DNAAF5: variants seen among roughly 807,000 people sequenced by gnomAD.
The protein encoded by DNAAF5 is HEAT repeat containing 2.
In DNAAF5, 64 loss-of-function variants were observed where a neutral mutation model predicts 75.8. The observed-to-expected ratio is 0.84, with a 90% CI of 0.69 to 1.04. DNAAF5 has a LOEUF of 1.04. Ranked by LOEUF, DNAAF5 falls within the 50% of genes least tolerant of loss-of-function variation. The probability of loss-of-function intolerance (pLI) is 0.00; values close to 1 mark genes in which losing one functional copy is unlikely to be tolerated. For synonymous variants in DNAAF5, 657 were observed against 557.2 expected, an observed-to-expected ratio of 1.18 and a Z score of -2.52; for missense variants, 1,269 against 1,178.5, an observed-to-expected ratio of 1.08 and a Z score of -1.12.
chr7:783,990 AAAAC>A (rs1379637709), intron 12 of DNAAF5, among the ~76,000 whole-genome samples: 1 of 147,438 alleles, frequency 6.8e-6, no homozygotes, highest in Non-Finnish European at 1.5e-5. Flanking sequence ...TGTCTTTAAA[AAAAC>A]AAAACACAGA....
intron 11 of DNAAF5, among the ~76,000 whole-genome samples, chr7:777,578 G>A (rs904437541): frequency 9.2e-5 from 14 of 152,164 alleles, no homozygotes; most frequent in African/African-American, 3.4e-4. Flanking sequence ...GGGATGGGGT[G>A]GGCGGGAAGC....
At chr7:761,244 C>T (rs1782632945) in intron 6 of DNAAF5, among the ~76,000 whole-genome samples, 1 of 95,500 alleles carries the variant, frequency 1.0e-5, no homozygotes, top group African/African-American at 3.3e-5. Flanking sequence ...CACCCTACCT[C>T]CAGCGCCTGG....
intron 11 of DNAAF5, among the ~76,000 whole-genome samples, chr7:776,708 C>T (rs1267314368): frequency 2.0e-5 from 3 of 152,206 alleles, no homozygotes; most frequent in Non-Finnish European, 4.4e-5. Context: ...AGCAGCAGCA[C>T]TGAACAGAGT....
At chr7:774,552 GCTT>G (rs1480587683) in intron 10 of DNAAF5, among the ~76,000 whole-genome samples, 3 of 134,992 alleles carry the variant, frequency 2.2e-5, no homozygotes, top group Admixed American at 1.5e-4. Context: ...ACGGGCCTGG[GCTT>G]TCCGCATCGT....
At chr7:743,900 C>A (rs185671949) in intron 4 of DNAAF5, among the ~76,000 whole-genome samples, 5 of 149,446 alleles carry the variant, frequency 3.3e-5, no homozygotes, top group Non-Finnish European at 4.5e-5. Flanking sequence ...TAAATAAGTT[C>A]TTTTTTTATT....
intron 7 of DNAAF5, among the ~76,000 whole-genome samples, chr7:762,223 C>T (rs139948596): frequency 0.016 from 2,460 of 152,262 alleles, 70 homozygotes; most frequent in African/African-American, 0.052. Flanking sequence ...TGGCATCTCA[C>T]GCCTGTAATC....
At chr7:737,223 G>A (rs546224070) in intron 2 of DNAAF5, among the ~76,000 whole-genome samples, 3 of 152,092 alleles carry the variant, frequency 2.0e-5, no homozygotes, top group Non-Finnish European at 2.9e-5. Context: ...AGCCTCCCGA[G>A]TAGCTGGGAC....
chr7:768,800 T>A (rs1018294083), intron 8 of DNAAF5: 1 of 252,256 alleles, frequency 4.0e-6, no homozygotes, highest in African/African-American at 2.2e-5. Flanking sequence ...GGACTTGACC[T>A]GTGGACATTT....
chr7:746,800 T>C (rs1268976465), intron 4 of DNAAF5, among the ~76,000 whole-genome samples: 1 of 152,194 alleles, frequency 6.6e-6, no homozygotes, highest in Non-Finnish European at 1.5e-5. Context: ...GTCCCCTGCA[T>C]GTGGGCATCT....
chr7:765,932 G>A (rs571924831), intron 8 of DNAAF5, among the ~76,000 whole-genome samples: 6 of 152,248 alleles, frequency 3.9e-5, no homozygotes, highest in South Asian at 4.1e-4. Flanking sequence ...GGGCTCAAGC[G>A]ATCCTCCTGC....
rs1286744069 is a variant in DNAAF5, at chr7:726,813, G to C, written c.93G>C (p.Leu31=). 3.0e-6 allele frequency: 4 copies of C among 1,323,824 alleles called. No individual in the cohort carries two copies. Among genetic ancestry groups the C allele is most frequent in the Non-Finnish European group, 3.8e-6 (4 of 1,040,276 alleles). The allele number at this position is 1,323,824 out of a possible 1,614,324, so 82.0% of individuals were successfully genotyped here. A position where few individuals can be genotyped will look rare whatever the true frequency, so the allele number is the denominator to read the frequency against. Residue 31 remains leucine (L), a synonymous_variant, in exon 1 of 13, where the codon CTG becomes CTC. Transcript: ENST00000297440. ...TAEAVELSRA[L]SRLLPGLEAD... ...AGGCGGTGGAGCTGAGCCGCGCCCT[G>C]AGCCGCCTGCTGCCGGGGCTGGAGG...
At position 727,186 on chromosome 7, in the gene DNAAF5, TG is replaced by T; in HGVS notation, c.467del (p.Cys156SerfsTer53). On this transcript the variant is annotated frameshift_variant, in exon 1 of 13. Coordinates refer to ENST00000297440, the MANE Select transcript of DNAAF5 (RefSeq NM_017802.4). LOFTEE classifies it high-confidence loss of function. The part of the protein sequence containing the change: ...VQLLGLAVDL[C>X]GAALAPHLDD... ...GCTGCTGGGCCTGGCCGTGGACCTGTGCGGCGCCGCGCTCGCGCCCCACCTG... is the reference window on the plus strand; with the variant it reads ...GCTGCTGGGCCTGGCCGTGGACCTGTCGGCGCCGCGCTCGCGCCCCACCTG... 7.4e-7 allele frequency: 1 copy of T among 1,343,818 alleles called. No individual in the cohort carries two copies. Among genetic ancestry groups the T allele is most frequent in the Non-Finnish European group, 9.6e-7 (1 of 1,043,346 alleles). 83.2% of individuals were successfully genotyped at this position (1,343,818 alleles called of 1,614,324 possible).
At chr7:756,365 G>A (rs1782484172) in intron 5 of DNAAF5, among the ~76,000 whole-genome samples, 2 of 113,702 alleles carry the variant, frequency 1.8e-5, no homozygotes, top group Admixed American at 1.8e-4. Flanking sequence ...CTGGTGTGTG[G>A]TGTCCACTGT....
In DNAAF5 at chr7:754,354, G is replaced by A. The variant is rs1471990103; in HGVS notation, c.1025-235G>A. ...TTGCCCAGGCTGGTCTTGACTTCCT[G>A]GGCTCTAGTGATCCACCTGCCTTGG... On this transcript the variant is annotated intron_variant, in intron 4 of 12. Transcript: ENST00000297440. The surrounding 1 kb of genome is among the most constrained non-coding windows in gnomAD (Gnocchi z 4.8). Among the ~76,000 whole-genome samples, 4 of 152,136 alleles carry A rather than the reference G, an allele frequency of 2.6e-5. No individual in the cohort carries two copies. The highest frequency in any genetic ancestry group is 9.7e-5 in the African/African-American group (4 of 41,420).
chr7:741,202 A>C, intron 3 of DNAAF5, 145 bp from the exon 4 acceptor site: 2 of 698,986 alleles, frequency 2.9e-6, no homozygotes, highest in Non-Finnish European at 4.8e-6. Flanking sequence ...GATGAAGTGG[A>C]ATTTCTGGTC....
At chr7:738,923 AAGC>A (rs1318709679) in intron 2 of DNAAF5, among the ~76,000 whole-genome samples, 2 of 152,214 alleles carry the variant, frequency 1.3e-5, no homozygotes, top group African/African-American at 4.8e-5. Context: ...AGGGAGGAGA[AAGC>A]AGCGAGGCCA....
At chr7:767,361 C>G (rs4720917) in intron 8 of DNAAF5, among the ~76,000 whole-genome samples, 119,934 of 151,926 alleles carry the variant, frequency 0.79, 47,520 homozygotes, top group South Asian at 0.86. Context: ...CCGTGGGACG[C>G]TGCGCATCTG....
chr7:762,155 C>T (rs62432250), intron 7 of DNAAF5, among the ~76,000 whole-genome samples: 1 of 152,064 alleles, frequency 6.6e-6, no homozygotes, highest in Non-Finnish European at 1.5e-5. Context: ...AGAAATAAGA[C>T]GTAACCTTTA....
At position 729,702 on chromosome 7, in the gene DNAAF5, T is replaced by C. The variant is rs777244737; in HGVS notation, c.635T>C (p.Leu212Pro). The change falls in exon 2 of 13, where the codon CTG becomes CCG. Residue 212 changes from leucine to proline, a missense_variant. Physicochemically the swap from Leu to Pro is moderately conservative, Grantham distance 98. Coordinates refer to ENST00000297440, the MANE Select transcript of DNAAF5 (RefSeq NM_017802.4). ...CAGTCGGAGTCTCTGATCGGGCCCC[T>C]GATGCAGACCATCTCCCACCAGCAC... ...HMQSESLIGP[L>P]MQTISHQHWK... 4.3e-6 allele frequency: 7 copies of C among 1,613,952 alleles called. No homozygotes were observed. The highest frequency in any genetic ancestry group is 2.2e-5 in the East Asian group (1 of 44,888).
Sources: gnomAD v4.1 joint callset for allele counts (sites outside exome capture counted in the v4.1 genomes callset) on GRCh38, gnomAD v4.1.1 for gene constraint, Gnocchi (gnomAD v3.1) non-coding constraint, MANE v1.5 for transcripts, NCBI Gene and HGNC (gene_info 2026-07-23, HGNC 2026-07-21) for gene names.